The following MYRIP variants were observed in gnomAD, a reference collection of about 807,000 sequenced individuals.
The protein encoded by MYRIP is myosin VIIA and Rab interacting protein, also known as rab effector MyRIP.
In MYRIP, 49 loss-of-function variants were observed where a neutral mutation model predicts 98.0. The observed-to-expected ratio is 0.50, with a 90% CI of 0.40 to 0.63. MYRIP has a LOEUF of 0.63. MYRIP is among the 30% of genes least tolerant of loss of function. The pLI is 0.00. For missense variants in MYRIP, 1,004 were observed against 1,058.2 expected (o/e 0.95, Z 0.71); for synonymous variants, 404 against 409.5 (o/e 0.99, Z 0.16).
intron 2 of MYRIP, among the ~76,000 whole-genome samples, chr3:40,004,491 T>C (rs2125788860): frequency 6.6e-6 from 1 of 152,310 alleles, no homozygotes; most frequent in Non-Finnish European, 1.5e-5. Context: ...TTATTTTTTA[T>C]TTCCATAGGT....
chr3:40,135,083 C>G (rs893731631), intron 3 of MYRIP, among the ~76,000 whole-genome samples: 1 of 152,076 alleles, frequency 6.6e-6, no homozygotes, highest in Non-Finnish European at 1.5e-5. Flanking sequence ...TCAAACTACT[C>G]TGAGCTACAG....
intron 12 of MYRIP, chr3:40,242,453 G>C (rs1460267769): frequency 6.6e-6 from 1 of 150,874 alleles, no homozygotes; most frequent in Non-Finnish European, 1.5e-5. Flanking sequence ...TTCTGGCCTT[G>C]CTGAGGGCTT....
intron 1 of MYRIP, among the ~76,000 whole-genome samples, chr3:39,868,670 C>A (rs1942694289): frequency 6.6e-6 from 1 of 152,168 alleles, no homozygotes; most frequent in Non-Finnish European, 1.5e-5. Context: ...AAAGGGTCTG[C>A]TCCTTCAAGA....
chr3:40,077,666 C>CT (rs1477947033), intron 3 of MYRIP, among the ~76,000 whole-genome samples: 1 of 152,210 alleles, frequency 6.6e-6, no homozygotes, highest in African/African-American at 2.4e-5. Context: ...ATTTACAATC[C>CT]TTGAGCTAGA....
intron 11 of MYRIP, among the ~76,000 whole-genome samples, chr3:40,223,433 A>G (rs2125687650): frequency 6.6e-6 from 1 of 152,342 alleles, no homozygotes; most frequent in East Asian, 1.9e-4. Context: ...AATTTAACTC[A>G]CCATTAATCT....
chr3:39,884,218 C>CA (rs1272697760), intron 1 of MYRIP, among the ~76,000 whole-genome samples: 1 of 152,010 alleles, frequency 6.6e-6, no homozygotes, highest in African/African-American at 2.4e-5. Context: ...TCAGAACAAG[C>CA]AAAACCACCC....
chr3:40,108,273 G>GA (rs2125898994), intron 3 of MYRIP, among the ~76,000 whole-genome samples: 1 of 151,910 alleles, frequency 6.6e-6, no homozygotes, highest in African/African-American at 2.4e-5. Context: ...CAGCTTGTGT[G>GA]AAAAAAGACA....
intron 11 of MYRIP, among the ~76,000 whole-genome samples, chr3:40,213,687 G>A (rs1196148487): frequency 1.2e-3 from 1 of 826 alleles, no homozygotes; most frequent in South Asian, 0.038. Flanking sequence ...TTCCAGAAGC[G>A]CCACTGCGCC....
intron 3 of MYRIP, among the ~76,000 whole-genome samples, chr3:40,095,730 C>G (rs565146029): frequency 6.6e-6 from 1 of 152,052 alleles, no homozygotes; most frequent in South Asian, 2.1e-4. Context: ...ATCTCTCTGC[C>G]TCCCTCGATT....
chr3:40,172,632 C>A (rs1487249362), intron 8 of MYRIP, among the ~76,000 whole-genome samples: 1 of 152,146 alleles, frequency 6.6e-6, no homozygotes, highest in East Asian at 1.9e-4. Context: ...AGCTGTACTT[C>A]ACTGTGTTTT....
At chr3:39,867,817 A>G (rs200863844) in intron 1 of MYRIP, among the ~76,000 whole-genome samples, 2 of 152,352 alleles carry the variant, frequency 1.3e-5, no homozygotes, top group East Asian at 3.9e-4. Flanking sequence ...AAAAGAAACA[A>G]CATCATTATT....
At chr3:39,819,530 T>C (rs1941041615) in intron 1 of MYRIP, among the ~76,000 whole-genome samples, 1 of 152,188 alleles carries the variant, frequency 6.6e-6, no homozygotes, top group African/African-American at 2.4e-5. Context: ...ATTCTACCAT[T>C]GGACAATTAT....
chr3:40,027,602 T>C lies in MYRIP; in HGVS notation c.111-16448T>C, dbSNP rs147364316. Among the ~76,000 whole-genome samples, 1,455 of 152,238 alleles carry C rather than the reference T, an allele frequency of 9.6e-3. 26 individuals are homozygous for C. The highest frequency in any genetic ancestry group is 0.032 in the African/African-American group (1,340 of 41,550). ...GTCCTGATGTTATCTTCAGTCTGAG[T>C]ATCCTACTTATTCTTATGAGAATAC... On this transcript the variant is annotated intron_variant, in intron 2 of 16. Coordinates refer to ENST00000302541, the MANE Select transcript of MYRIP (RefSeq NM_015460.4).
intron 16 of MYRIP, among the ~76,000 whole-genome samples, chr3:40,254,267 C>T (rs971324549): frequency 6.6e-6 from 1 of 152,114 alleles, no homozygotes; most frequent in African/African-American, 2.4e-5. Context: ...AGGGAAAGGG[C>T]AGGCTATTGA....
intron 11 of MYRIP, chr3:40,232,833 A>T (rs1952700361): frequency 6.6e-6 from 1 of 152,250 alleles, no homozygotes. Flanking sequence ...GACCTGTGTC[A>T]GTCAGGAACA....
chr3:40,068,099 C>T (rs1339475811), intron 3 of MYRIP, among the ~76,000 whole-genome samples: 1 of 152,104 alleles, frequency 6.6e-6, no homozygotes, highest in African/African-American at 2.4e-5. Context: ...GACAGTGCTC[C>T]CATGAATGCC....
chr3:39,967,309 A>G (rs941177781), intron 2 of MYRIP, among the ~76,000 whole-genome samples: 1 of 152,032 alleles, frequency 6.6e-6, no homozygotes, highest in African/African-American at 2.4e-5. Context: ...AGTTCTTATC[A>G]CTTAGCACCC....
chr3:40,193,174 C>G (rs1951290001), intron 10 of MYRIP, among the ~76,000 whole-genome samples: 2 of 152,220 alleles, frequency 1.3e-5, no homozygotes, highest in South Asian at 4.1e-4. Flanking sequence ...ATTCAACCTG[C>G]AAAAGATTAC....
chr3:40,117,685 T>A (rs1242200062), intron 3 of MYRIP, among the ~76,000 whole-genome samples: 1 of 152,210 alleles, frequency 6.6e-6, no homozygotes, highest in Non-Finnish European at 1.5e-5. Context: ...TAGGATGCGA[T>A]GGACATAAAG....
Sources: allele counts gnomAD v4.1 joint callset (sites outside exome capture counted in the v4.1 genomes callset), GRCh38; gene constraint gnomAD v4.1.1; transcripts MANE v1.5; gene names NCBI Gene and HGNC (gene_info 2026-07-23, HGNC 2026-07-21).